The following GNRHR variants were observed in gnomAD, a reference collection of about 807,000 sequenced individuals.
GNRHR encodes gonadotropin-releasing hormone receptor.
Under a neutral mutation model 28.1 loss-of-function variants are expected in GNRHR, and 14 were observed. The observed-to-expected ratio is 0.50, with a 90% CI of 0.33 to 0.78. The LOEUF is 0.78. Among genes scored for constraint, GNRHR ranks in the 30% least tolerant of loss-of-function variants. The pLI is 0.02. For synonymous variants in GNRHR, 141 were observed against 140.5 expected (o/e 1.00, Z -0.02); for missense variants, 366 against 382.1 (o/e 0.96, Z 0.35).
rs991951907 is a variant in GNRHR, at chr4:67,739,574, A to G, written c.*906T>C. 1 of 152,018 alleles carries G rather than the reference A, an allele frequency of 6.6e-6. No homozygotes were observed. The highest frequency in any genetic ancestry group is 1.5e-5 in the Non-Finnish European group (1 of 67,930). The allele number at this position is 152,018 out of a possible 1,614,324, so 9.4% of individuals were successfully genotyped here. On this transcript the variant is annotated 3_prime_UTR_variant, in exon 3 of 3. Transcript: ENST00000226413. The stretch of plus-strand genomic sequence containing the variant: ...TGTGCATTTGCTTAATTTTGTTTTA[A>G]TTATTCTCAGTTATTTATGAAATAT...
chr4:67,752,801 T>C (rs1731895136), intron 1 of GNRHR, among the ~76,000 whole-genome samples: 1 of 121,396 alleles, frequency 8.2e-6, no homozygotes, highest in African/African-American at 2.9e-5. Flanking sequence ...GCATGGCAGT[T>C]TTTTTTTGTT....
At chr4:67,753,773 A>C (rs755796600) in intron 1 of GNRHR, 41 bp downstream of exon 1, 3 of 1,518,354 alleles carry the variant, frequency 2.0e-6, no homozygotes, top group Non-Finnish European at 2.7e-6. Context: ...TAGGAAATCT[A>C]TGATCACCAT....
chr4:67,739,804 A>C lies in GNRHR; in HGVS notation c.*676T>G, dbSNP rs1424564761. The C allele has an allele frequency of 6.6e-6, 1 of 152,092 alleles. No individual in the cohort carries two copies. The highest frequency in any genetic ancestry group is 1.5e-5 in the Non-Finnish European group (1 of 68,008). The allele number at this position is 152,092 out of a possible 1,614,324, so 9.4% of individuals were successfully genotyped here. On this transcript the variant is annotated 3_prime_UTR_variant, in exon 3 of 3. Coordinates refer to ENST00000226413, the MANE Select transcript of GNRHR (RefSeq NM_000406.3). ...CCCTGTCCAAATCCTAACCCCTCTAAAATTTCCCTTTATATAGAGATACTT... is the reference window on the plus strand; with the variant it reads ...CCCTGTCCAAATCCTAACCCCTCTACAATTTCCCTTTATATAGAGATACTT...
At chr4:67,744,942 A>C (rs1481004552) in intron 1 of GNRHR, among the ~76,000 whole-genome samples, 155 bp from the exon 2 acceptor site, 1 of 152,170 alleles carries the variant, frequency 6.6e-6, no homozygotes, top group Non-Finnish European at 1.5e-5. Context: ...AGTCATGTGA[A>C]TATTTACTTA....
At chr4:67,748,875 T>C (rs566599785) in intron 1 of GNRHR, among the ~76,000 whole-genome samples, 12 of 152,118 alleles carry the variant, frequency 7.9e-5, no homozygotes, top group Admixed American at 2.0e-4. Context: ...TGTTATATAA[T>C]ATTGGAGGTT....
intron 2 of GNRHR, 56 bp downstream of exon 2, chr4:67,744,502 ACTCTGTTTTG>A: frequency 9.0e-6 from 8 of 891,380 alleles, no homozygotes; most frequent in South Asian, 7.9e-5. Context: ...AGTTCATGCC[ACTCTGTTTTG>A]AGCATTGCTA....
At chr4:67,753,595 C>T (rs1013902569) in intron 1 of GNRHR, 4 of 578,990 alleles carry the variant, frequency 6.9e-6, no homozygotes, top group African/African-American at 3.7e-5. Flanking sequence ...AAGCATTAAC[C>T]CCCATGTTAC....
Position 67,744,712 on chromosome 4 carries a change from A to C in GNRHR, c.598T>G (p.Cys200Gly). 1 of 1,611,266 alleles carries C rather than the reference A, an allele frequency of 6.2e-7. No homozygotes were observed. Among genetic ancestry groups the C allele is most frequent in the Non-Finnish European group, 8.5e-7 (1 of 1,177,340 alleles). Residue 200 changes from cysteine to glycine, a missense_variant, in exon 2 of 3, where the codon TGC becomes GGC. Physicochemically the swap from Cys to Gly is radical, Grantham distance 159. Coordinates refer to ENST00000226413, the MANE Select transcript of GNRHR (RefSeq NM_000406.3). ...TKVFSQCVTHCSFSQWWHQAF... is the reference protein window; with the variant it reads ...TKVFSQCVTHGSFSQWWHQAF... ...TGATGCCACCATTGTGAAAAACTGC[A>C]GTGTGTTACACATTGAGAGAAAACT...
chr4:67,750,731 T>C (rs1377738756), intron 1 of GNRHR, among the ~76,000 whole-genome samples: 1 of 151,906 alleles, frequency 6.6e-6, no homozygotes, highest in Non-Finnish European at 1.5e-5. Context: ...GAGGTATGAA[T>C]TACTCAAATA....
chr4:67,741,216 T>C (rs2319658), intron 2 of GNRHR, among the ~76,000 whole-genome samples: 26,767 of 151,784 alleles, frequency 0.18, 2,456 homozygotes, highest in South Asian at 0.24. Context: ...CCCTTTCCCC[T>C]GAGTTTCCAA....
rs12508464 is a variant in GNRHR, at chr4:67,738,589, A to C, written c.*1891T>G. 0.23 allele frequency among the ~76,000 whole-genome samples: 34,860 copies of C among 151,828 alleles called. 4,155 individuals are homozygous for C. Among genetic ancestry groups the C allele is most frequent in the Middle Eastern group, 0.3 (88 of 294 alleles). ...TATCTGTACAAGTGTGTTATTTTTG[A>C]TTTTAAATCCAGAAGTAAGAATTAT... is the stretch of plus-strand genomic sequence containing the variant. On this transcript the variant is annotated 3_prime_UTR_variant, in exon 3 of 3. Coordinates refer to ENST00000226413, the MANE Select transcript of GNRHR (RefSeq NM_000406.3).
At position 67,754,127 on chromosome 4, in the gene GNRHR, C is replaced by T; in HGVS notation, c.209G>A (p.Gly70Glu). Residue 70 changes from glycine to glutamate, a missense_variant, in exon 1 of 3, where the codon GGG becomes GAG. Transcript: ENST00000226413. Reference protein sequence around the residue: ...LQKWTQKKEKGKKLSRMKLLL... With the variant: ...LQKWTQKKEKEKKLSRMKLLL... ...CAGCTTCATTCTTGAGAGCTTTTTCCCTTTCTCTTTCTTCTGTGTCCACTT... is the reference window on the plus strand; with the variant it reads ...CAGCTTCATTCTTGAGAGCTTTTTCTCTTTCTCTTTCTTCTGTGTCCACTT... The T allele has an allele frequency of 6.2e-7, 1 of 1,614,054 alleles. No individual in the cohort carries two copies. Among genetic ancestry groups the T allele is most frequent in the Non-Finnish European group, 8.5e-7 (1 of 1,179,934 alleles).
rs1254780513 is a variant in GNRHR at position 67,739,123 on chromosome 4, A to G, written c.*1357T>C. 6.6e-6 allele frequency among the ~76,000 whole-genome samples: 1 copy of G among 151,964 alleles called. No homozygotes were observed. Among genetic ancestry groups the G allele is most frequent in the African/African-American group, 2.4e-5 (1 of 41,418 alleles). The stretch of plus-strand genomic sequence containing the variant: ...AATGTTAAATGGCTTAATTTCTTTT[A>G]AGACTCTTATGTTTTTCACATTAAA... On this transcript the variant is annotated 3_prime_UTR_variant, in exon 3 of 3. Transcript: ENST00000226413.
chr4:67,752,401 T>C (rs1303099193), intron 1 of GNRHR, among the ~76,000 whole-genome samples: 4 of 151,418 alleles, frequency 2.6e-5, no homozygotes, highest in South Asian at 4.2e-4. Context: ...TTTTTAATAA[T>C]TTGTTGATAT....
At position 67,744,553 on chromosome 4, in the gene GNRHR, C is replaced by T. The variant is rs759980749; in HGVS notation, c.742+15G>A. The stretch of plus-strand genomic sequence containing the variant: ...AAACTGCCCACAAATGACACTAACT[C>T]TAAGGAATACATACCGTGGGGGTCC... On this transcript the variant is annotated intron_variant, in intron 2 of 2. Coordinates refer to ENST00000226413, the MANE Select transcript of GNRHR (RefSeq NM_000406.3). 1 of 1,474,118 alleles carries T rather than the reference C, an allele frequency of 6.8e-7. No individual in the cohort carries two copies. The highest frequency in any genetic ancestry group is 9.5e-7 in the Non-Finnish European group (1 of 1,052,116). The allele number at this position is 1,474,118 out of a possible 1,614,324, so 91.3% of individuals were successfully genotyped here.
chr4:67,741,907 C>T (rs945353338), intron 2 of GNRHR, among the ~76,000 whole-genome samples: 1 of 151,154 alleles, frequency 6.6e-6, no homozygotes, highest in Admixed American at 6.6e-5. Flanking sequence ...TGTTTGTTTT[C>T]TTCTTGCTGA....
intron 1 of GNRHR, among the ~76,000 whole-genome samples, chr4:67,748,922 G>A (rs34250519): frequency 0.028 from 4,301 of 152,002 alleles, 106 homozygotes; most frequent in East Asian, 0.1. Context: ...TAATGATTGT[G>A]CATAATTTAT....
At chr4:67,742,732 A>G (rs1731682510) in intron 2 of GNRHR, among the ~76,000 whole-genome samples, 1 of 152,196 alleles carries the variant, frequency 6.6e-6, no homozygotes, top group South Asian at 2.1e-4. Context: ...AGGGAAACAG[A>G]TAGTGCTATT....
chr4:67,742,670 G>A (rs1484182), intron 2 of GNRHR, among the ~76,000 whole-genome samples: 33,888 of 151,970 alleles, frequency 0.22, 4,038 homozygotes, highest in Middle Eastern at 0.3. Flanking sequence ...TTTCATAATC[G>A]AGAACTTCTG....
Sources: gnomAD v4.1 joint callset for allele counts (sites outside exome capture counted in the v4.1 genomes callset) on GRCh38, gnomAD v4.1.1 for gene constraint, MANE v1.5 for transcripts, NCBI Gene and HGNC (gene_info 2026-07-23, HGNC 2026-07-21) for gene names.